The following HGF variants were observed in gnomAD, a reference collection of about 807,000 sequenced individuals.
The protein encoded by HGF is fibroblast-derived tumor cytotoxic factor.
In HGF, 39 loss-of-function variants were observed where a neutral mutation model predicts 111.6. That is an observed-to-expected ratio of 0.35 (90% CI 0.27 to 0.46). The LOEUF is 0.46. Ranked by LOEUF, HGF falls within the 20% of genes least tolerant of loss-of-function variation. The pLI, the probability that HGF is intolerant of heterozygous loss-of-function variation, is 1.00. For synonymous variants in HGF, 285 were observed against 294.8 expected (o/e 0.97, Z 0.34); for missense variants, 735 against 910.5 (o/e 0.81, Z 2.48).
rs5745670 is a variant in HGF at position 81,744,160 on chromosome 7, G to A, written c.747-689C>T. Among the ~76,000 whole-genome samples, 1,461 of 152,176 alleles carry A rather than the reference G, an allele frequency of 9.6e-3. 22 individuals are homozygous for A. Among genetic ancestry groups the A allele is most frequent in the African/African-American group, 0.034 (1,397 of 41,514 alleles). ...AAGAACAAAGAAAAAACACCTAACA[G>A]CAATTTCCAAAGAAAGGTGGGGGAC... On this transcript the variant is annotated intron_variant, in intron 6 of 17. Coordinates refer to ENST00000222390, the MANE Select transcript of HGF (RefSeq NM_000601.6).
chr7:81,731,384 A>C (rs1787650835), intron 7 of HGF, among the ~76,000 whole-genome samples: 1 of 152,214 alleles, frequency 6.6e-6, no homozygotes, highest in African/African-American at 2.4e-5. Flanking sequence ...AAAAATGTTC[A>C]GTAATTGACC....
chr7:81,767,303 A>AG (rs1371565150), intron 1 of HGF, among the ~76,000 whole-genome samples: 1 of 152,236 alleles, frequency 6.6e-6, no homozygotes, highest in East Asian at 1.9e-4. Flanking sequence ...AAGAAAAAAA[A>AG]AAAACACCAC....
intron 17 of HGF, among the ~76,000 whole-genome samples, chr7:81,704,769 A>G (rs1308289187): frequency 6.6e-6 from 1 of 151,796 alleles, no homozygotes; most frequent in Non-Finnish European, 1.5e-5. Flanking sequence ...CTCACATTCA[A>G]AATCTAACTA....
At position 81,762,732 on chromosome 7, in the gene HGF, T is replaced by G. The variant is rs765051974; in HGVS notation, c.229A>C (p.Asn77His). 1 of 1,612,928 alleles carries G rather than the reference T, an allele frequency of 6.2e-7. No homozygotes were observed. Among genetic ancestry groups the G allele is most frequent in the Admixed American group, 1.7e-5 (1 of 60,008 alleles). Residue 77 changes from asparagine (N) to histidine (H), a missense_variant, in exon 2 of 18, where the codon AAT (asparagine) becomes CAT (histidine). Coordinates refer to ENST00000222390, the MANE Select transcript of HGF (RefSeq NM_000601.6). ...ADQCANRCTR[N>H]KGLPFTCKAF... ...TTGCAAGTGAATGGAAGTCCTTTAT[T>G]CCTAGTACATCTATTAGCACATTGG...
intron 7 of HGF, among the ~76,000 whole-genome samples, chr7:81,738,973 T>C (rs1787920459): frequency 6.6e-6 from 1 of 152,158 alleles, no homozygotes; most frequent in Non-Finnish European, 1.5e-5. Flanking sequence ...GCTATCCCTG[T>C]TCACTTGTGA....
intron 4 of HGF, chr7:81,756,100 G>T (rs780188373): frequency 6.3e-5 from 44 of 698,920 alleles, no homozygotes; most frequent in Non-Finnish European, 1.0e-4. Context: ...TCTACTGACC[G>T]GCCAAATGTG....
At chr7:81,734,550 C>T (rs1390081924) in intron 7 of HGF, among the ~76,000 whole-genome samples, 3 of 151,938 alleles carry the variant, frequency 2.0e-5, no homozygotes, top group Admixed American at 2.0e-4. Flanking sequence ...TTTTTTGAGA[C>T]AAAGAGTATT....
At chr7:81,737,868 T>C (rs1014111811) in intron 7 of HGF, among the ~76,000 whole-genome samples, 2 of 152,176 alleles carry the variant, frequency 1.3e-5, no homozygotes, top group African/African-American at 4.8e-5. Flanking sequence ...TATAAAGGTA[T>C]CTTCAGTCCA....
At chr7:81,704,627 T>C (rs1789373143) in intron 17 of HGF, among the ~76,000 whole-genome samples, 1 of 151,794 alleles carries the variant, frequency 6.6e-6, no homozygotes. Context: ...TCAATACATA[T>C]TTATGTTCCA....
chr7:81,745,216 G>A, intron 5 of HGF, 96 bp from the exon 6 acceptor site: 1 of 1,345,600 alleles, frequency 7.4e-7, no homozygotes, highest in African/African-American at 1.4e-5. Context: ...TTAGTAAACA[G>A]ATTTTTAAAA....
intron 4 of HGF, chr7:81,755,246 G>T (rs1788703570): frequency 6.6e-6 from 1 of 151,692 alleles, no homozygotes; most frequent in Non-Finnish European, 1.5e-5. Context: ...TCAATTTAGG[G>T]GTCAACAATA....
At chr7:81,744,039 G>T (rs1583975572) in intron 6 of HGF, among the ~76,000 whole-genome samples, 1 of 152,016 alleles carries the variant, frequency 6.6e-6, no homozygotes, top group Non-Finnish European at 1.5e-5. Flanking sequence ...TATCCCTTCT[G>T]CTCTCACTTA....
In HGF at chr7:81,734,783, T is replaced by C. The variant is rs190922249; in HGVS notation, c.866-5004A>G. 7.5e-4 allele frequency among the ~76,000 whole-genome samples: 114 copies of C among 152,254 alleles called. 2 individuals are homozygous for C. Among genetic ancestry groups the C allele is most frequent in the Admixed American group, 7.5e-3 (114 of 15,264 alleles). On this transcript the variant is annotated intron_variant, in intron 7 of 17. Coordinates refer to ENST00000222390, the MANE Select transcript of HGF (RefSeq NM_000601.6). ...GACACCCAGGGCTCTGTGAGCTTCA[T>C]ATGAATGATAAGTAAATGCTTACAT... is the stretch of plus-strand genomic sequence containing the variant.
At chr7:81,755,973 C>T (rs1206344759) in intron 4 of HGF, 1 of 701,178 alleles carries the variant, frequency 1.4e-6, no homozygotes, top group African/African-American at 1.7e-5. Flanking sequence ...TAACTCATCT[C>T]TGTTTCCTAA....
chr7:81,766,269 T>C (rs17155447), intron 1 of HGF, among the ~76,000 whole-genome samples: 10,152 of 152,212 alleles, frequency 0.067, 415 homozygotes, highest in East Asian at 0.12. Context: ...GGAAAGGATT[T>C]GCAGGGTGTG....
intron 16 of HGF, 28 bp downstream of exon 16, chr7:81,705,619 T>C (rs755141326): frequency 6.3e-7 from 1 of 1,591,774 alleles, no homozygotes; most frequent in Non-Finnish European, 8.6e-7. Context: ...AAAATAAATA[T>C]GGCCTCATCT....
chr7:81,723,308 T>G (rs2040966), intron 9 of HGF, among the ~76,000 whole-genome samples: 113,668 of 152,016 alleles, frequency 0.75, 43,499 homozygotes, highest in Middle Eastern at 0.88. Context: ...ATATAGTATT[T>G]ACTATTATCC....
chr7:81,729,929 A>C (rs1787590931), intron 7 of HGF, 150 bp from the exon 8 acceptor site: 1 of 649,602 alleles, frequency 1.5e-6, no homozygotes, highest in African/African-American at 1.8e-5. Flanking sequence ...TAAGAAATTT[A>C]ACTTAACATT....
rs372137304 is a variant in HGF at position 81,721,115 on chromosome 7, T to C, written c.1169-268A>G. 1.3e-3 allele frequency among the ~76,000 whole-genome samples: 202 copies of C among 152,114 alleles called. 1 individual carries two copies. Among genetic ancestry groups the C allele is most frequent in the East Asian group, 3.7e-3 (19 of 5,156 alleles). On this transcript the variant is annotated intron_variant, in intron 9 of 17. Coordinates refer to ENST00000222390, the MANE Select transcript of HGF (RefSeq NM_000601.6). ...ACAAAAAATTAGCCAGGCGTGGTGG[T>C]GGGCGCCTGTAGTCCCAGCTACTCG...
Sources: gnomAD v4.1 joint callset for allele counts (sites outside exome capture counted in the v4.1 genomes callset) on GRCh38, gnomAD v4.1.1 for gene constraint, MANE v1.5 for transcripts, NCBI Gene and HGNC (gene_info 2026-07-23, HGNC 2026-07-21) for gene names.